Variants in FBXO10 observed in about 807,000 individuals in gnomAD.
The protein encoded by FBXO10 is F-box protein 10, also known as F-box only protein 10.
Under a neutral mutation model 80.7 loss-of-function variants are expected in FBXO10, and 39 were observed. That is an observed-to-expected ratio of 0.48 (90% CI 0.37 to 0.63). The LOEUF (loss-of-function observed/expected upper bound fraction) is 0.63, where lower values mean the gene tolerates loss of function less well. Among genes scored for constraint, FBXO10 ranks in the 30% least tolerant of loss-of-function variants. The pLI, the probability that FBXO10 is intolerant of heterozygous loss-of-function variation, is 0.00. For missense variants in FBXO10, 1,025 were observed against 1,269.0 expected (o/e 0.81, Z 2.92); for synonymous variants, 449 against 489.6 (o/e 0.92, Z 1.09).
chr9:37,551,221 G>C (rs2119154895), intron 1 of FBXO10, among the ~76,000 whole-genome samples: 1 of 152,342 alleles, frequency 6.6e-6, no homozygotes, highest in East Asian at 1.9e-4. Flanking sequence ...TGGGGGCTGG[G>C]TCTCCAAGGC....
rs1376883647 is a variant in FBXO10, at chr9:37,532,148, C to T, written c.1420-90G>A. 2.9e-6 allele frequency: 4 copies of T among 1,399,814 alleles called. No individual in the cohort carries two copies. In the Admixed American group the frequency reaches 8.2e-5, roughly 29 times the overall value. The allele number at this position is 1,399,814 out of a possible 1,614,324, so 86.7% of individuals were successfully genotyped here. ...GAACACCTGAGTCTTTTCCGCACCA[C>T]CTGATCCATGCAGTTTACCCCGTAG... On this transcript the variant is annotated intron_variant, in intron 3 of 10. Transcript: ENST00000432825.
chr9:37,518,559 C>A, intron 8 of FBXO10, 121 bp from the exon 9 acceptor site: 2 of 817,800 alleles, frequency 2.4e-6, no homozygotes, highest in Non-Finnish European at 3.7e-6. Context: ...GAAGAGGTAC[C>A]AACACTCAGA....
chr9:37,515,812 C>G, intron 10 of FBXO10, 92 bp downstream of exon 10: 1 of 1,368,864 alleles, frequency 7.3e-7, no homozygotes, highest in East Asian at 2.3e-5. Flanking sequence ...GCAGGGAGCC[C>G]GGGCAGCCAC....
chr9:37,525,041 G>T, intron 6 of FBXO10, 61 bp downstream of exon 6: 1 of 1,403,380 alleles, frequency 7.1e-7, no homozygotes, highest in South Asian at 1.2e-5. Context: ...TCCTGAAGCT[G>T]GGGGGTGACG....
chr9:37,551,983 G>A (rs963809909), intron 1 of FBXO10, among the ~76,000 whole-genome samples: 7 of 152,146 alleles, frequency 4.6e-5, no homozygotes, highest in African/African-American at 1.7e-4. Flanking sequence ...CAGAGTCCTA[G>A]GACACAGACA....
chr9:37,542,318 G>A (rs894051207), intron 1 of FBXO10, among the ~76,000 whole-genome samples: 1 of 151,904 alleles, frequency 6.6e-6, no homozygotes, highest in Admixed American at 6.6e-5. Context: ...ACTCCAGGCC[G>A]GGCGCAATGG....
At chr9:37,526,820 A>ATTTT (rs1350746752) in intron 5 of FBXO10, among the ~76,000 whole-genome samples, 3 of 127,182 alleles carry the variant, frequency 2.4e-5, no homozygotes, top group African/African-American at 8.4e-5. Flanking sequence ...TTTTTAAAAT[A>ATTTT]TTTTATTTAT....
rs199619475 is a variant in FBXO10 at position 37,516,902 on chromosome 9, AG to A, written c.2515-818del. On this transcript the variant is annotated intron_variant, in intron 9 of 10. Coordinates refer to ENST00000432825, the MANE Select transcript of FBXO10 (RefSeq NM_012166.3). ...CTTGAATCTGGGAGGCGGAGGTTGC[AG>A]TGAGCTGAGATCATGTCATTGCACT... 5.8e-3 allele frequency among the ~76,000 whole-genome samples: 864 copies of A among 149,814 alleles called. 12 individuals carry two copies. Among genetic ancestry groups the A allele is most frequent in the African/African-American group, 0.02 (799 of 40,594 alleles).
intron 2 of FBXO10, among the ~76,000 whole-genome samples, chr9:37,540,657 T>A (rs1054747954): frequency 3.9e-5 from 6 of 152,344 alleles, no homozygotes; most frequent in Admixed American, 3.9e-4. Flanking sequence ...AAGGAATATG[T>A]TGGACAAATA....
Position 37,522,810 on chromosome 9 carries a change from G to T in FBXO10, c.1930+15C>A. 6.4e-7 allele frequency: 1 copy of T among 1,551,458 alleles called. No homozygotes were observed. Among genetic ancestry groups the T allele is most frequent in the Non-Finnish European group, 8.7e-7 (1 of 1,146,858 alleles). On this transcript the variant is annotated intron_variant, in intron 7 of 10. Transcript: ENST00000432825. ...CTTCCTGCCTCCCCGGCTGGGTTGG[G>T]AACAAGCTCCTCACCGTAGATGGTA...
In FBXO10 at chr9:37,537,129, C is replaced by A. The variant is rs536164018; in HGVS notation, c.1400G>T (p.Arg467Leu). ...NIFRNLTYAVRCIHNSKIIML... is the reference protein window; with the variant it reads ...NIFRNLTYAVLCIHNSKIIML... The stretch of plus-strand genomic sequence containing the variant: ...CAGCACCTTGCTATTATGTATACAC[C>A]GCACTGCGTAAGTCAGGTTCCGGAA... Residue 467 changes from arginine (R) to leucine (L), a missense_variant, in exon 3 of 11, where the codon CGG (arginine) becomes CTG (leucine). By Grantham distance (102) the Arg-to-Leu change is moderately radical. This residue lies in a region of FBXO10 where 478 missense variants were observed against 667.8 expected (regional missense o/e 0.72). Coordinates refer to ENST00000432825, the MANE Select transcript of FBXO10 (RefSeq NM_012166.3). 2 of 1,611,998 alleles carry A rather than the reference C, an allele frequency of 1.2e-6. No homozygotes were observed. The highest frequency in any genetic ancestry group is 1.3e-5 in the African/African-American group (1 of 75,056).
chr9:37,569,702 C>T (rs1395875067), intron 1 of FBXO10, among the ~76,000 whole-genome samples: 1 of 152,184 alleles, frequency 6.6e-6, no homozygotes, highest in Non-Finnish European at 1.5e-5. Context: ...CACAGTGGCT[C>T]ACACCTGTAG....
At chr9:37,545,479 T>G (rs571367830) in intron 1 of FBXO10, among the ~76,000 whole-genome samples, 1 of 152,266 alleles carries the variant, frequency 6.6e-6, no homozygotes, top group South Asian at 2.1e-4. Context: ...GCCTGGCCTC[T>G]CAGGCTTTTT....
intron 1 of FBXO10, among the ~76,000 whole-genome samples, chr9:37,548,206 G>A (rs1822105801): frequency 6.6e-6 from 1 of 151,892 alleles, no homozygotes; most frequent in African/African-American, 2.4e-5. Context: ...CCAACGTGGT[G>A]AAACCCCACC....
chr9:37,528,512 A>G (rs1821530429), intron 5 of FBXO10, among the ~76,000 whole-genome samples: 1 of 152,142 alleles, frequency 6.6e-6, no homozygotes, highest in Non-Finnish European at 1.5e-5. Flanking sequence ...CATGAGTCCA[A>G]GTCTTACCCA....
At chr9:37,559,038 A>C (rs1173058130) in intron 1 of FBXO10, among the ~76,000 whole-genome samples, 2 of 151,422 alleles carry the variant, frequency 1.3e-5, no homozygotes, top group Non-Finnish European at 2.9e-5. Flanking sequence ...TGAACTCCTG[A>C]CCTCAGGTGA....
chr9:37,518,197 G>A lies in FBXO10; in HGVS notation c.2442C>T (p.Thr814=). ...GHGIITKGDS[T]IVIENDIIGN... is the part of the protein sequence containing the mutation. ...CAATGATATCGTTTTCAATGACGAT[G>A]GTGCTGTCGCCCTTGGTGATAATGC... The change falls in exon 9 of 11, where the codon ACC becomes ACT. Residue 814 remains threonine, a synonymous_variant. Transcript: ENST00000432825. The A allele has an allele frequency of 6.2e-7, 1 of 1,614,046 alleles. No homozygotes were observed. The highest frequency in any genetic ancestry group is 1.7e-5 in the Admixed American group (1 of 60,034).
At position 37,533,075 on chromosome 9, in the gene FBXO10, C is replaced by A. The variant is rs147930977; in HGVS notation, c.1420-1017G>T. Among the ~76,000 whole-genome samples the A allele has an allele frequency of 3.3e-5, 5 of 152,304 alleles. No individual in the cohort carries two copies. In the East Asian group the frequency reaches 9.6e-4, roughly 29 times the overall value. ...GATTAGAGATATTGGTATAACAAAG[C>A]CTCCTTCAAACAAGTTCCCATAACC... On this transcript the variant is annotated intron_variant, in intron 3 of 10. Coordinates refer to ENST00000432825, the MANE Select transcript of FBXO10 (RefSeq NM_012166.3).
chr9:37,564,363 C>A (rs969670543), intron 1 of FBXO10, among the ~76,000 whole-genome samples: 16 of 152,108 alleles, frequency 1.1e-4, no homozygotes, highest in Non-Finnish European at 2.2e-4. Flanking sequence ...GGGTCGGGGC[C>A]CCCACACAGA....
Sources: gnomAD v4.1 joint callset for allele counts (sites outside exome capture counted in the v4.1 genomes callset) on GRCh38, gnomAD v4.1.1 for gene constraint, gnomAD v4.1.1 regional missense constraint, MANE v1.5 for transcripts, NCBI Gene and HGNC (gene_info 2026-07-23, HGNC 2026-07-21) for gene names.